Variants in PDS5A observed in about 807,000 individuals in gnomAD.
The protein encoded by PDS5A is PDS5 cohesin associated factor A.
A neutral mutation model predicts 167.1 loss-of-function variants in PDS5A; 42 were observed. That is an observed-to-expected ratio of 0.25 (90% CI 0.20 to 0.33). The LOEUF (loss-of-function observed/expected upper bound fraction) is 0.33, where lower values mean the gene tolerates loss of function less well. PDS5A is among the 10% of genes least tolerant of loss of function. The pLI is 1.00. For missense variants in PDS5A, 1,033 were observed against 1,605.9 expected, an observed-to-expected ratio of 0.64 and a Z score of 6.10; for synonymous variants, 553 against 554.6, an observed-to-expected ratio of 1.00 and a Z score of 0.04.
intron 9 of PDS5A, among the ~76,000 whole-genome samples, chr4:39,912,283 T>C (rs2109687382): frequency 6.6e-6 from 1 of 152,270 alleles, no homozygotes; most frequent in South Asian, 2.1e-4. Flanking sequence ...GTCAGAAACT[T>C]ATATTGGGTG....
chr4:39,904,295 T>G, intron 11 of PDS5A, 104 bp from the exon 12 acceptor site: 1 of 592,936 alleles, frequency 1.7e-6, no homozygotes, highest in Admixed American at 3.8e-5. Flanking sequence ...ATGTGTGCCT[T>G]TATAAACTGG....
intron 26 of PDS5A, 26 bp from the exon 27 acceptor site, chr4:39,849,678 T>G (rs1717946990): frequency 6.5e-7 from 1 of 1,541,628 alleles, no homozygotes; most frequent in Non-Finnish European, 8.9e-7. Flanking sequence ...TTAAAGAGAC[T>G]AGACGTAGAT....
intron 24 of PDS5A, 86 bp from the exon 25 acceptor site, chr4:39,863,159 A>C: frequency 9.3e-7 from 1 of 1,072,922 alleles, no homozygotes; most frequent in Non-Finnish European, 1.4e-6. Context: ...CTTCAATTAA[A>C]AAGAAGATAA....
At chr4:39,949,072 G>A (rs1188118915) in intron 2 of PDS5A, among the ~76,000 whole-genome samples, 1 of 151,674 alleles carries the variant, frequency 6.6e-6, no homozygotes, top group Non-Finnish European at 1.5e-5. Context: ...ACCAAGGCCA[G>A]AGATCACCTG....
At chr4:39,908,565 G>A (rs1315006951) in intron 10 of PDS5A, 25 bp from the exon 11 acceptor site, 8 of 1,415,186 alleles carry the variant, frequency 5.7e-6, no homozygotes, top group Non-Finnish European at 7.9e-6. Flanking sequence ...AAAAAACTTA[G>A]GCTAAATGTT....
chr4:39,825,633 AGGCTGAAGTACAGT>A (rs1715227263), intron 32 of PDS5A, 145 bp from the exon 33 acceptor site: 1 of 592,230 alleles, frequency 1.7e-6, no homozygotes, highest in Admixed American at 3.4e-5. Context: ...TCTGTCACTC[AGGCTGAAGTACAGT>A]GGCACGATCA....
intron 2 of PDS5A, chr4:39,973,479 T>C (rs955539589): frequency 7.4e-7 from 1 of 1,347,288 alleles, no homozygotes; most frequent in African/African-American, 1.4e-5. Context: ...ACGTGAAAAA[T>C]CTTGATGATA....
chr4:39,862,164 A>G (rs1719056839), intron 26 of PDS5A, 55 bp downstream of exon 26: 1 of 642,612 alleles, frequency 1.6e-6, no homozygotes, highest in Admixed American at 3.4e-5. Context: ...AAAATTTACC[A>G]TTTTTTGAAA....
At chr4:39,915,071 C>T (rs1724237140) in intron 8 of PDS5A, among the ~76,000 whole-genome samples, 1 of 151,586 alleles carries the variant, frequency 6.6e-6, no homozygotes, top group Non-Finnish European at 1.5e-5. Flanking sequence ...AAGAGTCTTG[C>T]TCTGTTGCCC....
At chr4:39,929,519 C>CTCTATATATATATATATATATATATATA (rs1346928018) in intron 2 of PDS5A, among the ~76,000 whole-genome samples, 1 of 79,398 alleles carries the variant, frequency 1.3e-5, no homozygotes, top group African/African-American at 8.8e-5. Flanking sequence ...ACTTAATAAA[C>CTCTATATATATATATATATATATATATA]TATATATATA....
At chr4:39,913,869 T>A (rs1379445429) in intron 8 of PDS5A, 143 bp from the exon 9 acceptor site, 14 of 609,434 alleles carry the variant, frequency 2.3e-5, no homozygotes, top group Middle Eastern at 3.1e-4. Context: ...CCTCACTTAC[T>A]ATGCAGAAAT....
intron 2 of PDS5A, among the ~76,000 whole-genome samples, chr4:39,943,441 C>T (rs1368533095): frequency 2.0e-5 from 3 of 151,560 alleles, no homozygotes. Context: ...AATTAGATGC[C>T]ACACATTTTA....
intron 2 of PDS5A, among the ~76,000 whole-genome samples, chr4:39,945,989 T>G (rs1250136227): frequency 1.3e-5 from 2 of 151,740 alleles, no homozygotes; most frequent in South Asian, 2.1e-4. Context: ...GGGGGATCAC[T>G]TGAGGTCAGG....
At chr4:39,954,315 G>C (rs866595794) in intron 2 of PDS5A, among the ~76,000 whole-genome samples, 3 of 152,116 alleles carry the variant, frequency 2.0e-5, no homozygotes, top group South Asian at 2.1e-4. Flanking sequence ...AGCCATGACG[G>C]TGCCACTGCA....
At chr4:39,927,888 T>C in intron 3 of PDS5A, 73 bp downstream of exon 3, 2 of 1,055,984 alleles carry the variant, frequency 1.9e-6, no homozygotes, top group Non-Finnish European at 2.8e-6. Flanking sequence ...AAAGGTAAAA[T>C]ATAAAAATAA....
chr4:39,942,617 G>A (rs932570862), intron 2 of PDS5A, among the ~76,000 whole-genome samples: 3 of 151,962 alleles, frequency 2.0e-5, no homozygotes, highest in East Asian at 1.9e-4. Context: ...TGTAAAGACC[G>A]GTTTTGCCAT....
In PDS5A at chr4:39,926,706, A is replaced by T. The variant is rs374425294; in HGVS notation, c.429+69T>A. The T allele has an allele frequency of 2.3e-5, 25 of 1,081,946 alleles. No individual in the cohort carries two copies. The African/African-American group carries it at 3.5e-4, about 15-fold the overall frequency. 67.0% of individuals were successfully genotyped at this position (1,081,946 alleles called of 1,614,324 possible). A position where few individuals can be genotyped will look rare whatever the true frequency, so the allele number is the denominator to read the frequency against. On this transcript the variant is annotated intron_variant, in intron 4 of 32. Transcript: ENST00000303538. ...AAATAAACACTCATTTTACATTACA[A>T]AGTTAACATGAAGAATTTGCTATCA...
At chr4:39,942,501 A>G (rs1219094624) in intron 2 of PDS5A, among the ~76,000 whole-genome samples, 1 of 152,142 alleles carries the variant, frequency 6.6e-6, no homozygotes, top group Non-Finnish European at 1.5e-5. Flanking sequence ...CGTAGGCTAG[A>G]GTGCAGTGGC....
At position 39,856,688 on chromosome 4, in the gene PDS5A, C is replaced by A. The variant is rs1290007618; in HGVS notation, c.3086+5531G>T. Among the ~76,000 whole-genome samples the A allele has an allele frequency of 3.9e-5, 6 of 152,094 alleles. No individual in the cohort carries two copies. In the East Asian group the frequency reaches 1.2e-3, roughly 30 times the overall value. The stretch of plus-strand genomic sequence containing the variant: ...AAAATTAGCCAGGCGTGGTGGCGGG[C>A]ACCTGTAATCTCAGCTACTCGGGAG... On this transcript the variant is annotated intron_variant, in intron 26 of 32. Coordinates refer to ENST00000303538, the MANE Select transcript of PDS5A (RefSeq NM_001100399.2).
Sources: gnomAD v4.1 joint callset for allele counts (sites outside exome capture counted in the v4.1 genomes callset) on GRCh38, gnomAD v4.1.1 for gene constraint, MANE v1.5 for transcripts, NCBI Gene and HGNC (gene_info 2026-07-23, HGNC 2026-07-21) for gene names.